Variants in CLYBL observed in about 807,000 individuals in gnomAD.
CLYBL encodes citramalyl-CoA lyase, also known as citramalyl-CoA lyase, mitochondrial.
A neutral mutation model predicts 38.9 loss-of-function variants in CLYBL; 31 were observed. That is an observed-to-expected ratio of 0.80 (90% CI 0.60 to 1.08). CLYBL has a LOEUF of 1.08. Among genes scored for constraint, CLYBL ranks in the 50% least tolerant of loss-of-function variants. The pLI is 0.00. For missense variants in CLYBL, 434 were observed against 411.6 expected, an observed-to-expected ratio of 1.05 and a Z score of -0.47; for synonymous variants, 171 against 158.6, an observed-to-expected ratio of 1.08 and a Z score of -0.59.
intron 2 of CLYBL, among the ~76,000 whole-genome samples, chr13:99,817,284 G>C (rs938696306): frequency 3.3e-5 from 5 of 151,528 alleles, no homozygotes; most frequent in African/African-American, 1.2e-4. Flanking sequence ...GGAGAGGAAA[G>C]GAGACGAGAG....
At chr13:99,847,760 G>A (rs1213099325) in intron 2 of CLYBL, among the ~76,000 whole-genome samples, 1 of 152,218 alleles carries the variant, frequency 6.6e-6, no homozygotes, top group Non-Finnish European at 1.5e-5. Flanking sequence ...GGTGGAGTGA[G>A]CAGGGACCCC....
chr13:99,709,963 G>T (rs2048204139), intron 1 of CLYBL, among the ~76,000 whole-genome samples: 1 of 122,872 alleles, frequency 8.1e-6, no homozygotes, highest in South Asian at 2.5e-4. Flanking sequence ...TCGCTCTGTC[G>T]CCCAGTCTGG....
chr13:99,833,031 T>TATATATA (rs57543837), intron 2 of CLYBL, among the ~76,000 whole-genome samples: 87 of 20,958 alleles, frequency 4.2e-3, no homozygotes, highest in Non-Finnish European at 5.3e-3. Context: ...TATATATATA[T>TATATATA]TTTTTTTTTT....
chr13:99,661,892 A>G (rs2047414057), intron 1 of CLYBL, among the ~76,000 whole-genome samples: 1 of 152,198 alleles, frequency 6.6e-6, no homozygotes, highest in African/African-American at 2.4e-5. Context: ...ATAGCCTGTC[A>G]GCCTCCCCTG....
At chr13:99,834,795 C>G (rs766724812) in intron 2 of CLYBL, among the ~76,000 whole-genome samples, 1 of 152,212 alleles carries the variant, frequency 6.6e-6, no homozygotes, top group Non-Finnish European at 1.5e-5. Context: ...TGTCCTCAAC[C>G]CAGCCTTTAT....
intron 1 of CLYBL, among the ~76,000 whole-genome samples, chr13:99,628,895 G>A (rs1364887484): frequency 1.3e-5 from 2 of 152,180 alleles, no homozygotes; most frequent in Non-Finnish European, 2.9e-5. Flanking sequence ...AGAAAGGGAG[G>A]GGCCCTTGCT....
chr13:99,867,021 T>C (rs542060446), intron 6 of CLYBL, among the ~76,000 whole-genome samples: 8 of 152,226 alleles, frequency 5.3e-5, no homozygotes, highest in African/African-American at 1.9e-4. Context: ...TTGATTGGTG[T>C]GCCTGGTCAC....
intron 2 of CLYBL, among the ~76,000 whole-genome samples, chr13:99,797,167 G>A (rs145635324): frequency 8.8e-4 from 134 of 152,254 alleles, no homozygotes; most frequent in Admixed American, 1.6e-3. Context: ...AGTTCAGAGT[G>A]CATCTTAGTC....
At chr13:99,622,171 G>C (rs529089423) in intron 1 of CLYBL, among the ~76,000 whole-genome samples, 2 of 152,198 alleles carry the variant, frequency 1.3e-5, no homozygotes, top group Non-Finnish European at 2.9e-5. Context: ...TTGTGATTAC[G>C]TTGGCCCCAC....
chr13:99,633,210 CAAAAAAAAA>C (rs59801603), intron 1 of CLYBL, among the ~76,000 whole-genome samples: 21 of 62,728 alleles, frequency 3.3e-4, no homozygotes, highest in East Asian at 1.6e-3. Flanking sequence ...GATCCTGTCT[CAAAAAAAAA>C]AAAAAAAAAA....
intron 2 of CLYBL, among the ~76,000 whole-genome samples, chr13:99,808,349 G>A (rs995380269): frequency 3.3e-5 from 5 of 152,146 alleles, no homozygotes; most frequent in Non-Finnish European, 5.9e-5. Context: ...GCCTCCCAAA[G>A]TGCTGAGGTT....
Position 99,820,397 on chromosome 13 carries a change from A to G in CLYBL, c.250-38464A>G, listed in dbSNP as rs73572550. ...TTATTGCACAAACAAGAGTGAAACAATCACTCAGAAACTTACCATAGTAAC... is the reference window on the plus strand; with the variant it reads ...TTATTGCACAAACAAGAGTGAAACAGTCACTCAGAAACTTACCATAGTAAC... On this transcript the variant is annotated intron_variant, in intron 2 of 8. Coordinates refer to ENST00000339105, the MANE Select transcript of CLYBL (RefSeq NM_206808.5). Among the ~76,000 whole-genome samples the G allele has an allele frequency of 3.1e-3, 470 of 152,288 alleles. 1 individual carries two copies. Among genetic ancestry groups the G allele is most frequent in the African/African-American group, 0.011 (445 of 41,550 alleles).
At chr13:99,628,940 T>C (rs1422234345) in intron 1 of CLYBL, among the ~76,000 whole-genome samples, 3 of 152,216 alleles carry the variant, frequency 2.0e-5, no homozygotes, top group Non-Finnish European at 4.4e-5. Flanking sequence ...ATGTTTGTGT[T>C]AGTTGAAAAA....
chr13:99,830,398 G>A (rs1001614690), intron 2 of CLYBL, among the ~76,000 whole-genome samples: 1 of 152,208 alleles, frequency 6.6e-6, no homozygotes, highest in African/African-American at 2.4e-5. Context: ...TGAGGAGGCT[G>A]AGCGTGGTTC....
At chr13:99,647,639 T>C (rs1357821435) in intron 1 of CLYBL, among the ~76,000 whole-genome samples, 2 of 152,236 alleles carry the variant, frequency 1.3e-5, no homozygotes, top group African/African-American at 4.8e-5. Flanking sequence ...CAGCCGTCAA[T>C]TTTTCCACTC....
intron 2 of CLYBL, among the ~76,000 whole-genome samples, chr13:99,848,498 A>G (rs1233477280): frequency 1.3e-5 from 2 of 152,210 alleles, no homozygotes; most frequent in African/African-American, 4.8e-5. Flanking sequence ...AATCACAAAC[A>G]TTCTTTAAAA....
chr13:99,665,786 C>G (rs769736442), intron 1 of CLYBL, among the ~76,000 whole-genome samples: 1 of 152,114 alleles, frequency 6.6e-6, no homozygotes, highest in African/African-American at 2.4e-5. Context: ...ACTCTAACGT[C>G]AAAATGGTCA....
At chr13:99,631,630 G>T (rs61974371) in intron 1 of CLYBL, among the ~76,000 whole-genome samples, 29,385 of 150,806 alleles carry the variant, frequency 0.19, 2,914 homozygotes, top group African/African-American at 0.23. Context: ...TTGGAGTCTC[G>T]CTCAGTCGCC....
chr13:99,612,763 G>A (rs9585146), intron 1 of CLYBL, among the ~76,000 whole-genome samples: 1 of 152,242 alleles, frequency 6.6e-6, no homozygotes, highest in East Asian at 1.9e-4. Context: ...TATAATCCCA[G>A]CACTTTGAAA....
Sources: gnomAD v4.1 joint callset for allele counts (sites outside exome capture counted in the v4.1 genomes callset) on GRCh38, gnomAD v4.1.1 for gene constraint, MANE v1.5 for transcripts, NCBI Gene and HGNC (gene_info 2026-07-23, HGNC 2026-07-21) for gene names.